PDE10A: variants seen among roughly 807,000 people sequenced by gnomAD.
The protein encoded by PDE10A is phosphodiesterase 10A.
A neutral mutation model predicts 97.7 loss-of-function variants in PDE10A; 39 were observed. That is an observed-to-expected ratio of 0.40 (90% CI 0.31 to 0.52). PDE10A has a LOEUF of 0.52. Ranked by LOEUF, PDE10A falls within the 20% of genes least tolerant of loss-of-function variation. The pLI, the probability that PDE10A is intolerant of heterozygous loss-of-function variation, is 0.56. For missense variants in PDE10A, 731 were observed against 1,047.8 expected (o/e 0.70, Z 4.17); for synonymous variants, 371 against 376.8 (o/e 0.98, Z 0.18).
At chr6:165,579,165 G>C (rs1785477307) in intron 1 of PDE10A, among the ~76,000 whole-genome samples, 1 of 152,190 alleles carries the variant, frequency 6.6e-6, no homozygotes, top group Admixed American at 6.5e-5. Flanking sequence ...GCAGTTTAAG[G>C]ATACTGTATG....
chr6:165,881,816 C>T (rs189028766), intron 1 of PDE10A, among the ~76,000 whole-genome samples: 6 of 152,182 alleles, frequency 3.9e-5, no homozygotes, highest in South Asian at 2.1e-4. Context: ...CTTCTCACTC[C>T]GACAATTCAA....
chr6:165,509,436 A>G (rs1781387816), intron 2 of PDE10A, among the ~76,000 whole-genome samples: 1 of 151,974 alleles, frequency 6.6e-6, no homozygotes, highest in African/African-American at 2.4e-5. Flanking sequence ...GTTCCATTGT[A>G]TAATTTGTCT....
At chr6:165,492,761 T>C (rs141178768) in intron 2 of PDE10A, among the ~76,000 whole-genome samples, 297 of 152,232 alleles carry the variant, frequency 2.0e-3, no homozygotes, top group African/African-American at 6.7e-3. Context: ...CTGAAAGCAT[T>C]CCTTCTGAGA....
At position 165,348,519 on chromosome 6, in the gene PDE10A, A is replaced by G. The variant is rs538003821; in HGVS notation, c.2784-5017T>C. On this transcript the variant is annotated intron_variant, in intron 18 of 21. Coordinates refer to ENST00000539869, the MANE Select transcript of PDE10A (RefSeq NM_001385079.1). ...TTCAGAGCTGGTTTCCAGACATGAC[A>G]TTTGTTTTTAGTTGTAGTCAGGAAA... 2.6e-5 allele frequency among the ~76,000 whole-genome samples: 4 copies of G among 152,202 alleles called. No individual in the cohort carries two copies. In the South Asian group the frequency reaches 8.3e-4, roughly 32 times the overall value.
In PDE10A at chr6:165,418,493, T is replaced by C; in HGVS notation, c.1796+142A>G. 1.4e-6 allele frequency: 1 copy of C among 728,994 alleles called. No individual in the cohort carries two copies. The highest frequency in any genetic ancestry group is 2.1e-5 in the South Asian group (1 of 48,590). The allele number at this position is 728,994 out of a possible 1,614,324, so 45.2% of individuals were successfully genotyped here. ...CAATGTCATTCCCAGAAGTACTACC[T>C]TCAGGAGGCGGGTCCTGGTGGGAAT... On this transcript the variant is annotated intron_variant, in intron 11 of 21. Coordinates refer to ENST00000539869, the MANE Select transcript of PDE10A (RefSeq NM_001385079.1). The surrounding 1 kb of genome is among the most constrained non-coding windows in gnomAD (Gnocchi z 4.8).
chr6:165,568,204 T>C (rs1288946333), intron 1 of PDE10A, among the ~76,000 whole-genome samples: 2 of 152,058 alleles, frequency 1.3e-5, no homozygotes, highest in East Asian at 3.9e-4. Flanking sequence ...TTTCACCATG[T>C]TAGACACGAT....
At chr6:165,552,217 G>T (rs1208628285) in intron 1 of PDE10A, among the ~76,000 whole-genome samples, 1 of 152,138 alleles carries the variant, frequency 6.6e-6, no homozygotes, top group East Asian at 1.9e-4. Flanking sequence ...AGCCTCTTCA[G>T]CTAGACTATA....
At chr6:165,945,493 G>T (rs964021333) in intron 1 of PDE10A, among the ~76,000 whole-genome samples, 1 of 152,222 alleles carries the variant, frequency 6.6e-6, no homozygotes, top group African/African-American at 2.4e-5. Context: ...ACTCCAAGGT[G>T]ATAGTATTAG....
At chr6:165,393,096 ATCT>A (rs1785845127) in intron 15 of PDE10A, among the ~76,000 whole-genome samples, 1 of 152,134 alleles carries the variant, frequency 6.6e-6, no homozygotes, top group African/African-American at 2.4e-5. Context: ...AGCCCTCATG[ATCT>A]TCTTTAGTTT....
chr6:165,332,945 C>G lies in PDE10A; in HGVS notation c.*80G>C. 5 of 649,552 alleles carry G rather than the reference C, an allele frequency of 7.7e-6. No individual in the cohort carries two copies. Among genetic ancestry groups the G allele is most frequent in the South Asian group, 5.8e-5 (4 of 68,882 alleles). The allele number at this position is 649,552 out of a possible 1,614,324, so 40.2% of individuals were successfully genotyped here. A position where few individuals can be genotyped will look rare whatever the true frequency, so the allele number is the denominator to read the frequency against. On this transcript the variant is annotated 3_prime_UTR_variant, in exon 22 of 22. Coordinates refer to ENST00000539869, the MANE Select transcript of PDE10A (RefSeq NM_001385079.1). ...TTACCAGGTGCAGGTTCCCCCCACC[C>G]CCCCCAAAAAAAGGAAAAGAATGTC...
At chr6:165,333,970 A>C (rs1460006634) in intron 21 of PDE10A, among the ~76,000 whole-genome samples, 1 of 152,250 alleles carries the variant, frequency 6.6e-6, no homozygotes, top group African/African-American at 2.4e-5. Flanking sequence ...AGACACATTC[A>C]GATAGACAAA....
intron 1 of PDE10A, among the ~76,000 whole-genome samples, chr6:165,774,581 TA>T (rs1778113193): frequency 6.8e-6 from 1 of 147,882 alleles, no homozygotes; most frequent in African/African-American, 2.5e-5. Flanking sequence ...TTATTTTATA[TA>T]CTATATGTAT....
intron 1 of PDE10A, among the ~76,000 whole-genome samples, chr6:165,604,590 T>C (rs901277946): frequency 1.3e-5 from 2 of 151,660 alleles, no homozygotes; most frequent in Non-Finnish European, 2.9e-5. Context: ...GTGTCCTGGA[T>C]GACATTACTT....
At chr6:165,409,492 A>G (rs1006962381) in intron 13 of PDE10A, 1 of 152,826 alleles carries the variant, frequency 6.5e-6, no homozygotes, top group African/African-American at 2.4e-5. Flanking sequence ...GGTTGCAGTG[A>G]GCCAAGATCA....
In PDE10A at chr6:165,616,106, A is replaced by T. The variant is rs377143753; in HGVS notation, c.865+45841T>A. The stretch of plus-strand genomic sequence containing the variant: ...TCCTCTTTTTCCTTTTCAAGTTCAC[A>T]GAAGGCATTTTCCGAGTCGGTTGTG... On this transcript the variant is annotated intron_variant, in intron 1 of 21. Coordinates refer to ENST00000539869, the MANE Select transcript of PDE10A (RefSeq NM_001385079.1). Among the ~76,000 whole-genome samples the T allele has an allele frequency of 3.7e-4, 57 of 152,240 alleles. 1 individual carries two copies. The highest frequency in any genetic ancestry group is 1.3e-3 in the African/African-American group (54 of 41,558).
chr6:165,612,433 G>C (rs887187182), intron 1 of PDE10A, among the ~76,000 whole-genome samples: 3 of 151,988 alleles, frequency 2.0e-5, no homozygotes, highest in African/African-American at 4.8e-5. Context: ...CTGGAGCGCA[G>C]TGGCACAATC....
intron 1 of PDE10A, among the ~76,000 whole-genome samples, chr6:165,826,485 G>GTCCCTCTGTCCGTA (rs1341443966): frequency 9.5e-6 from 1 of 105,388 alleles, no homozygotes; most frequent in African/African-American, 3.3e-5. Context: ...CTGTCCCCAC[G>GTCCCTCTGTCCGTA]TCCCTCTGTC....
intron 1 of PDE10A, among the ~76,000 whole-genome samples, chr6:165,722,423 G>A (rs370198633): frequency 1.3e-5 from 2 of 152,168 alleles, no homozygotes; most frequent in African/African-American, 2.4e-5. Flanking sequence ...GACATCCAAC[G>A]GATGCCTGAA....
chr6:165,645,433 T>A (rs372220331), intron 1 of PDE10A, among the ~76,000 whole-genome samples: 1 of 152,142 alleles, frequency 6.6e-6, no homozygotes, highest in Non-Finnish European at 1.5e-5. Flanking sequence ...ACGTCTTTCT[T>A]CAAGGGAAAC....
Sources: gnomAD v4.1 joint callset for allele counts (sites outside exome capture counted in the v4.1 genomes callset) on GRCh38, gnomAD v4.1.1 for gene constraint, Gnocchi (gnomAD v3.1) non-coding constraint, MANE v1.5 for transcripts, NCBI Gene and HGNC (gene_info 2026-07-23, HGNC 2026-07-21) for gene names.